Variants in SGTA observed in about 807,000 individuals in gnomAD.
SGTA encodes the protein small glutamine-rich tetratricopeptide repeat-containing protein alpha.
Under a neutral mutation model 44.3 loss-of-function variants are expected in SGTA, and 22 were observed. The observed-to-expected ratio is 0.50, with a 90% CI of 0.36 to 0.71. The LOEUF (loss-of-function observed/expected upper bound fraction) is 0.71. SGTA is among the 30% of genes least tolerant of loss of function. SGTA has a pLI of 0.00. For missense variants in SGTA, 341 were observed against 435.9 expected (o/e 0.78, Z 1.94); for synonymous variants, 174 against 177.6 (o/e 0.98, Z 0.16).
In SGTA at chr19:2,765,139, C is replaced by G; in HGVS notation, c.392+47G>C. 7.2e-7 allele frequency: 1 copy of G among 1,395,090 alleles called. No homozygotes were observed. The highest frequency in any genetic ancestry group is 1.2e-5 in the South Asian group (1 of 86,326). The allele number at this position is 1,395,090 out of a possible 1,614,324, so 86.4% of individuals were successfully genotyped here. On this transcript the variant is annotated intron_variant, in intron 5 of 11. Transcript: ENST00000221566. The surrounding 1 kb of genome is among the most constrained non-coding windows in gnomAD (Gnocchi z 5.5). ...TCCCTGCTAAGCATCCCGGAGGACG[C>G]CCCCGCACCCGGCCGCCCCTGCCCT...
In SGTA at chr19:2,761,487, C is replaced by A; in HGVS notation, c.672G>T (p.Leu224=). 1 of 1,551,586 alleles carries A rather than the reference C, an allele frequency of 6.4e-7. No individual in the cohort carries two copies. The highest frequency in any genetic ancestry group is 8.7e-7 in the Non-Finnish European group (1 of 1,146,936). ...GGVGSFDIAG[L]LNNPGFMSMA... The stretch of plus-strand genomic sequence containing the variant: ...TGCTCATGAAGCCAGGGTTGTTCAG[C>A]AGGCCGGCGATGTCGAAGCTGCCCA... The change falls in exon 8 of 12, where the codon CTG becomes CTT. Residue 224 remains leucine, a synonymous_variant. Coordinates refer to ENST00000221566, the MANE Select transcript of SGTA (RefSeq NM_003021.4). This position sits in a 1 kb window ranked among gnomAD's most constrained non-coding sequence, Gnocchi z 5.7.
At chr19:2,764,854 A>ACCGCG (rs1353591724) in intron 5 of SGTA, among the ~76,000 whole-genome samples, 1 of 152,110 alleles carries the variant, frequency 6.6e-6, no homozygotes, top group Non-Finnish European at 1.5e-5. Flanking sequence ...GACGTGAGCC[A>ACCGCG]CCGCGCCTGG....
At position 2,766,197 on chromosome 19, in the gene SGTA, C is replaced by T. The variant is rs528181149; in HGVS notation, c.293-912G>A. Reference sequence around the variant, plus strand: ...CGCCACTGCACTCCAGCCTGGGCGACAGAGCGAGACTCCATCTCAAAAAAG... The same window carrying T: ...CGCCACTGCACTCCAGCCTGGGCGATAGAGCGAGACTCCATCTCAAAAAAG... On this transcript the variant is annotated intron_variant, in intron 4 of 11. Coordinates refer to ENST00000221566, the MANE Select transcript of SGTA (RefSeq NM_003021.4). 1.1e-4 allele frequency among the ~76,000 whole-genome samples: 16 copies of T among 152,038 alleles called. No homozygotes were observed. The East Asian group carries it at 2.5e-3, about 24-fold the overall frequency.
chr19:2,770,153 G>T (rs1915266641), intron 1 of SGTA: 1 of 155,504 alleles, frequency 6.4e-6, no homozygotes, highest in South Asian at 1.1e-4. Flanking sequence ...CATCCGCCTG[G>T]TCCCCCCTCG....
Position 2,767,499 on chromosome 19 carries a change from G to C in SGTA, c.207+81C>G. On this transcript the variant is annotated intron_variant, in intron 3 of 11. Transcript: ENST00000221566. This position sits in a 1 kb window ranked among gnomAD's most constrained non-coding sequence, Gnocchi z 7.3. ...CAGAGTGCTGGGGGACGATGAGAGC[G>C]GGGCTCCTGGGGTCCCCAGGGCTGC... 8.7e-7 allele frequency: 1 copy of C among 1,152,620 alleles called. No individual in the cohort carries two copies. Among genetic ancestry groups the C allele is most frequent in the Non-Finnish European group, 1.3e-6 (1 of 774,496 alleles). 71.4% of individuals were successfully genotyped at this position (1,152,620 alleles called of 1,614,324 possible).
chr19:2,757,619 T>C (rs1418218887), intron 10 of SGTA, 74 bp downstream of exon 10: 1 of 1,447,862 alleles, frequency 6.9e-7, no homozygotes, highest in Non-Finnish European at 9.2e-7. Flanking sequence ...ACTTTCGCTC[T>C]CCTCCTTCCC....
chr19:2,777,133 C>T (rs142471347), intron 1 of SGTA, among the ~76,000 whole-genome samples: 1 of 151,826 alleles, frequency 6.6e-6, no homozygotes, highest in African/African-American at 2.4e-5. Context: ...CGCCTGTAAT[C>T]CCAGCTACTT....
chr19:2,756,208 A>G (rs1914814790), intron 11 of SGTA, among the ~76,000 whole-genome samples: 1 of 152,112 alleles, frequency 6.6e-6, no homozygotes, highest in Non-Finnish European at 1.5e-5. Context: ...CACCTCAACT[A>G]TTAAAAAAAG....
chr19:2,766,688 G>A (rs951021853), intron 4 of SGTA, among the ~76,000 whole-genome samples: 7 of 152,040 alleles, frequency 4.6e-5, no homozygotes, highest in Non-Finnish European at 7.4e-5. Context: ...TGCCCGCCTC[G>A]GCCTCCCAAA....
At chr19:2,766,191 G>A (rs1276314007) in intron 4 of SGTA, among the ~76,000 whole-genome samples, 1 of 151,930 alleles carries the variant, frequency 6.6e-6, no homozygotes, top group African/African-American at 2.4e-5. Flanking sequence ...ACTCCAGCCT[G>A]GGCGACAGAG....
chr19:2,777,630 G>C (rs527625612), intron 1 of SGTA: 3 of 152,282 alleles, frequency 2.0e-5, no homozygotes, highest in Non-Finnish European at 4.4e-5. Flanking sequence ...GCTGAGAATG[G>C]TGCCGACATC....
rs763166283 is a variant in SGTA, at chr19:2,761,316, G to A, written c.699+144C>T. 1.5e-4 allele frequency: 115 copies of A among 773,178 alleles called. No individual in the cohort carries two copies. The highest frequency in any genetic ancestry group is 2.4e-4 in the Non-Finnish European group (114 of 468,632). The allele number at this position is 773,178 out of a possible 1,614,324, so 47.9% of individuals were successfully genotyped here. On this transcript the variant is annotated intron_variant, in intron 8 of 11. Transcript: ENST00000221566. The surrounding 1 kb of genome is among the most constrained non-coding windows in gnomAD (Gnocchi z 5.7). ...TGCTGCCAGCGCCCTGCGGTGCCCA[G>A]GACGACCCCACAGACAAGACCCATC...
chr19:2,780,493 G>T (rs892612818), intron 1 of SGTA, among the ~76,000 whole-genome samples: 14 of 152,056 alleles, frequency 9.2e-5, no homozygotes, highest in African/African-American at 3.1e-4. Flanking sequence ...CCAGCTGGGG[G>T]TCATCTGTGG....
At chr19:2,778,131 C>T (rs12610096) in intron 1 of SGTA, 41,891 of 151,908 alleles carry the variant, frequency 0.28, 6,332 homozygotes, top group East Asian at 0.66. Flanking sequence ...AGGTGGCACA[C>T]GCAAGATCCT....
intron 9 of SGTA, among the ~76,000 whole-genome samples, chr19:2,758,951 A>G (rs1241135259): frequency 6.6e-6 from 1 of 151,872 alleles, no homozygotes; most frequent in Admixed American, 6.6e-5. Context: ...AGAGACAGGA[A>G]GGGGATGCGT....
In SGTA at chr19:2,766,174, C is replaced by A. The variant is rs888155242; in HGVS notation, c.293-889G>T. ...GAGGTTGCAGTGAGCCGAGATCACGCCACTGCACTCCAGCCTGGGCGACAG... is the reference window on the plus strand; with the variant it reads ...GAGGTTGCAGTGAGCCGAGATCACGACACTGCACTCCAGCCTGGGCGACAG... On this transcript the variant is annotated intron_variant, in intron 4 of 11. Coordinates refer to ENST00000221566, the MANE Select transcript of SGTA (RefSeq NM_003021.4). 2.6e-5 allele frequency among the ~76,000 whole-genome samples: 4 copies of A among 152,080 alleles called. No individual in the cohort carries two copies. The East Asian group carries it at 7.8e-4, about 30-fold the overall frequency.
Position 2,762,490 on chromosome 19 carries a change from C to G in SGTA, c.636+16G>C. The G allele has an allele frequency of 1.2e-6, 2 of 1,613,308 alleles. No individual in the cohort carries two copies. The highest frequency in any genetic ancestry group is 1.7e-6 in the Non-Finnish European group (2 of 1,179,746). ...CAGCTCGGCGTTCTGGAGCCACTCG[C>G]CCCCGCTGCACTCACGGGGCTGGGG... On this transcript the variant is annotated intron_variant, in intron 7 of 11. Coordinates refer to ENST00000221566, the MANE Select transcript of SGTA (RefSeq NM_003021.4).
chr19:2,755,293 G>A lies in SGTA; in HGVS notation c.*647C>T. 2.0e-6 allele frequency: 1 copy of A among 506,428 alleles called. No individual in the cohort carries two copies. Among genetic ancestry groups the A allele is most frequent in the South Asian group, 8.5e-5 (1 of 11,710 alleles). 31.4% of individuals were successfully genotyped at this position (506,428 alleles called of 1,614,324 possible). A position where few individuals can be genotyped will look rare whatever the true frequency, so the allele number is the denominator to read the frequency against. ...ATGTCTGTCAACATGCCCAACTGGA[G>A]AAAAGTCACAGAAACTGGTCCTATG... On this transcript the variant is annotated 3_prime_UTR_variant, in exon 12 of 12. Coordinates refer to ENST00000221566, the MANE Select transcript of SGTA (RefSeq NM_003021.4). This position sits in a 1 kb window ranked among gnomAD's most constrained non-coding sequence, Gnocchi z 5.2.
chr19:2,760,517 CAAAAAAAAAAAAAA>C (rs58836148), intron 8 of SGTA, among the ~76,000 whole-genome samples: 1 of 51,642 alleles, frequency 1.9e-5, no homozygotes, highest in African/African-American at 6.9e-5. Context: ...GACTCCATCT[CAAAAAAAAAAAAAA>C]AAAAAAAAAC....
Sources: allele counts gnomAD v4.1 joint callset (sites outside exome capture counted in the v4.1 genomes callset), GRCh38; gene constraint gnomAD v4.1.1; non-coding constraint Gnocchi (gnomAD v3.1); transcripts MANE v1.5; gene names NCBI Gene and HGNC (gene_info 2026-07-23, HGNC 2026-07-21).